The following STXBP5 variants were observed in gnomAD, a reference collection of about 807,000 sequenced individuals.
The protein encoded by STXBP5 is syntaxin binding protein 5, also known as syntaxin-binding protein 5.
In STXBP5, 50 loss-of-function variants were observed where a neutral mutation model predicts 152.4. The observed-to-expected ratio is 0.33, with a 90% CI of 0.26 to 0.42. The LOEUF (loss-of-function observed/expected upper bound fraction) is 0.42, where lower values mean the gene tolerates loss of function less well. Ranked by LOEUF, STXBP5 falls within the 10% of genes least tolerant of loss-of-function variation. The pLI, the probability that STXBP5 is intolerant of heterozygous loss-of-function variation, is 1.00. For synonymous variants in STXBP5, 492 were observed against 494.7 expected, an observed-to-expected ratio of 0.99 and a Z score of 0.07; for missense variants, 1,167 against 1,388.6, an observed-to-expected ratio of 0.84 and a Z score of 2.54.
At chr6:147,214,952 A>G (rs901473316) in intron 2 of STXBP5, among the ~76,000 whole-genome samples, 2 of 152,196 alleles carry the variant, frequency 1.3e-5, no homozygotes, top group Non-Finnish European at 2.9e-5. Flanking sequence ...AGTAAGGATC[A>G]TAGGGTGGAT....
chr6:147,312,089 A>G (rs1782409286), intron 11 of STXBP5, among the ~76,000 whole-genome samples: 1 of 152,192 alleles, frequency 6.6e-6, no homozygotes, highest in Non-Finnish European at 1.5e-5. Flanking sequence ...TATGTATTCA[A>G]CAGACATCAC....
chr6:147,228,057 G>A (rs1354417953), intron 2 of STXBP5, among the ~76,000 whole-genome samples: 1 of 151,974 alleles, frequency 6.6e-6, no homozygotes, highest in African/African-American at 2.4e-5. Flanking sequence ...TGTTGTTTAT[G>A]TCAACTGTAC....
chr6:147,300,064 T>C (rs1781729479), intron 9 of STXBP5, among the ~76,000 whole-genome samples: 1 of 151,918 alleles, frequency 6.6e-6, no homozygotes, highest in South Asian at 2.1e-4. Context: ...TCATTTACAA[T>C]AGCTACTGAA....
At chr6:147,338,451 T>C (rs184939971) in intron 19 of STXBP5, among the ~76,000 whole-genome samples, 5,366 of 151,922 alleles carry the variant, frequency 0.035, 141 homozygotes, top group Admixed American at 0.053. Context: ...AAAATACTAC[T>C]TGAGATCACA....
At chr6:147,375,157 C>T (rs755558669) in intron 26 of STXBP5, among the ~76,000 whole-genome samples, 3 of 151,946 alleles carry the variant, frequency 2.0e-5, no homozygotes, top group Non-Finnish European at 4.4e-5. Flanking sequence ...TCATAGATAA[C>T]CAGGAACATT....
At chr6:147,367,556 T>G (rs1583003971) in intron 25 of STXBP5, among the ~76,000 whole-genome samples, 1 of 152,214 alleles carries the variant, frequency 6.6e-6, no homozygotes, top group African/African-American at 2.4e-5. Flanking sequence ...GAGAATCGCT[T>G]GAACCCGGGA....
intron 18 of STXBP5, among the ~76,000 whole-genome samples, chr6:147,333,088 A>C (rs1012342756): frequency 6.6e-6 from 1 of 152,200 alleles, no homozygotes; most frequent in Non-Finnish European, 1.5e-5. Flanking sequence ...TTAGTGTTCT[A>C]TCAATAAAGA....
chr6:147,346,733 C>T (rs1449840806), intron 21 of STXBP5, among the ~76,000 whole-genome samples: 1 of 151,354 alleles, frequency 6.6e-6, no homozygotes, highest in Non-Finnish European at 1.5e-5. Flanking sequence ...GGGTGAGTCT[C>T]CTCAAAAAAA....
In STXBP5 at chr6:147,323,583, G is replaced by C. The variant is rs139723882; in HGVS notation, c.1803-1376G>C. 5.2e-4 allele frequency among the ~76,000 whole-genome samples: 79 copies of C among 152,082 alleles called. No individual in the cohort carries two copies. In the East Asian group the frequency reaches 0.014, roughly 28 times the overall value. ...ATTTTTGTATGTTTAGTAGAGACGG[G>C]GTTTCGCCATGTTGGCCAGGCTGGT... On this transcript the variant is annotated intron_variant, in intron 16 of 27. Coordinates refer to ENST00000321680, the MANE Select transcript of STXBP5 (RefSeq NM_001127715.4).
At chr6:147,236,026 A>G (rs1398245487) in intron 3 of STXBP5, among the ~76,000 whole-genome samples, 1 of 152,194 alleles carries the variant, frequency 6.6e-6, no homozygotes, top group Admixed American at 6.5e-5. Flanking sequence ...TGTGGACATT[A>G]TTTTAGTCCC....
At chr6:147,256,668 T>C (rs79471649) in intron 4 of STXBP5, among the ~76,000 whole-genome samples, 4,842 of 152,312 alleles carry the variant, frequency 0.032, 119 homozygotes, top group Middle Eastern at 0.051. Flanking sequence ...TGACGATCAA[T>C]GATAATGGTT....
intron 16 of STXBP5, among the ~76,000 whole-genome samples, chr6:147,324,242 A>T (rs1783089767): frequency 1.6e-5 from 2 of 123,982 alleles, no homozygotes; most frequent in Admixed American, 7.9e-5. Flanking sequence ...CATGTTTTTA[A>T]GTTTTGTGGG....
chr6:147,388,408 T>G lies in STXBP5; in HGVS notation c.*3653T>G, dbSNP rs980776842. On this transcript the variant is annotated 3_prime_UTR_variant, in exon 28 of 28. Coordinates refer to ENST00000321680, the MANE Select transcript of STXBP5 (RefSeq NM_001127715.4). The stretch of plus-strand genomic sequence containing the variant: ...TGTTTTAAGATCATACAGTAACATG[T>G]TATATTTATACATACTGCTAGAAAA... The G allele has an allele frequency of 1.3e-5, 2 of 151,670 alleles. No homozygotes were observed. The highest frequency in any genetic ancestry group is 4.8e-5 in the African/African-American group (2 of 41,398). 9.4% of individuals were successfully genotyped at this position (151,670 alleles called of 1,614,324 possible). A position where few individuals can be genotyped will look rare whatever the true frequency, so the allele number is the denominator to read the frequency against.
rs1169170956 is a variant in STXBP5, at chr6:147,316,371, C to G, written c.1766C>G (p.Ser589Ter). 3.2e-6 allele frequency: 5 copies of G among 1,582,856 alleles called. No homozygotes were observed. Among genetic ancestry groups the G allele is most frequent in the Non-Finnish European group, 4.3e-6 (5 of 1,168,296 alleles). Reference sequence around the variant, plus strand: ...TCTCATCCATCTACCAGTAGCAGTTCATCTGATGGGCTTCGTGATAATGTA... The same window carrying G: ...TCTCATCCATCTACCAGTAGCAGTTGATCTGATGGGCTTCGTGATAATGTA... ...PQSHPSTSSS[S>*]SDGLRDNVPC... Residue 589 changes from serine to a stop codon, truncating the protein, a stop_gained, in exon 16 of 28, where the codon TCA becomes TGA. Coordinates refer to ENST00000321680, the MANE Select transcript of STXBP5 (RefSeq NM_001127715.4). LOFTEE classifies it high-confidence loss of function.
At chr6:147,205,184 A>G (rs1232368406) in intron 1 of STXBP5, among the ~76,000 whole-genome samples, 1 of 152,104 alleles carries the variant, frequency 6.6e-6, no homozygotes, top group African/African-American at 2.4e-5. Context: ...ATGTTTGTTA[A>G]AAAGTACTGA....
chr6:147,364,377 T>TA (rs1194613029), intron 25 of STXBP5, among the ~76,000 whole-genome samples: 1 of 152,218 alleles, frequency 6.6e-6, no homozygotes, highest in Admixed American at 6.5e-5. Context: ...AGCTTCATCT[T>TA]ACTAATCCAT....
Position 147,310,249 on chromosome 6 carries a change from C to T in STXBP5, c.1072+11C>T, listed in dbSNP as rs1299514625. On this transcript the variant is annotated intron_variant, in intron 10 of 27. Transcript: ENST00000321680. ...CACCATACCCAAATGGTAAGCTTTG[C>T]AACTTTAAAGCTCATTCTCTATAGA... The T allele has an allele frequency of 1.3e-6, 2 of 1,524,648 alleles. No individual in the cohort carries two copies. The highest frequency in any genetic ancestry group is 1.7e-6 in the Non-Finnish European group (2 of 1,143,668). 94.4% of individuals were successfully genotyped at this position (1,524,648 alleles called of 1,614,324 possible). A position where few individuals can be genotyped will look rare whatever the true frequency, so the allele number is the denominator to read the frequency against.
chr6:147,369,550 G>A (rs540275164), intron 25 of STXBP5, among the ~76,000 whole-genome samples: 43 of 152,012 alleles, frequency 2.8e-4, no homozygotes, highest in Non-Finnish European at 5.5e-4. Flanking sequence ...GAAAATCTGG[G>A]CAAAACATAT....
intron 3 of STXBP5, among the ~76,000 whole-genome samples, chr6:147,237,832 A>C (rs1228378050): frequency 6.6e-6 from 1 of 152,164 alleles, no homozygotes; most frequent in African/African-American, 2.4e-5. Context: ...ACAATTTCTT[A>C]CAATACCCTA....
Sources: gnomAD v4.1 joint callset for allele counts (sites outside exome capture counted in the v4.1 genomes callset) on GRCh38, gnomAD v4.1.1 for gene constraint, MANE v1.5 for transcripts, NCBI Gene and HGNC (gene_info 2026-07-23, HGNC 2026-07-21) for gene names.